Variants in CCSER1 observed in about 807,000 individuals in gnomAD.
CCSER1 encodes the protein serine-rich coiled-coil domain-containing protein 1.
In CCSER1, 41 loss-of-function variants were observed where a neutral mutation model predicts 82.0. The ratio of observed to expected loss-of-function variants is 0.50; its 90% CI spans 0.39 to 0.65. The LOEUF is 0.65. Among genes scored for constraint, CCSER1 ranks in the 30% least tolerant of loss-of-function variants. The probability of loss-of-function intolerance (pLI) is 0.00; values close to 1 mark genes in which losing one functional copy is unlikely to be tolerated. For missense variants in CCSER1, 1,119 were observed against 1,064.2 expected (o/e 1.05, Z -0.72); for synonymous variants, 414 against 383.9 (o/e 1.08, Z -0.92).
intron 7 of CCSER1, among the ~76,000 whole-genome samples, chr4:90,739,244 A>G (rs1182971667): frequency 3.9e-5 from 6 of 152,090 alleles, no homozygotes; most frequent in Non-Finnish European, 5.9e-5. Context: ...GGCCCATGGT[A>G]TATCTGGAGT....
At chr4:91,538,682 ATATAT>A (rs1372168630) in intron 10 of CCSER1, among the ~76,000 whole-genome samples, 1 of 113,596 alleles carries the variant, frequency 8.8e-6, no homozygotes, top group Non-Finnish European at 1.8e-5. Flanking sequence ...TATATATGAT[ATATAT>A]TATATATACA....
In CCSER1 at chr4:91,227,121, T is replaced by C. The variant is rs1738260555; in HGVS notation, c.2217+141127T>C. Among the ~76,000 whole-genome samples, 4 of 152,078 alleles carry C rather than the reference T, an allele frequency of 2.6e-5. No individual in the cohort carries two copies. In the South Asian group the frequency reaches 6.2e-4, roughly 24 times the overall value. ...ATTATTAGTTAGCTATGTCATTGCA[T>C]AAGAAACCTTGACTTATTAATGAAC... On this transcript the variant is annotated intron_variant, in intron 10 of 10. Coordinates refer to ENST00000509176, the MANE Select transcript of CCSER1 (RefSeq NM_001145065.2).
At chr4:91,197,569 A>G (rs1336423866) in intron 10 of CCSER1, among the ~76,000 whole-genome samples, 1 of 152,234 alleles carries the variant, frequency 6.6e-6, no homozygotes, top group Non-Finnish European at 1.5e-5. Flanking sequence ...TTTGTTAACT[A>G]CAACTGTACT....
chr4:90,833,406 C>T (rs908072555), intron 8 of CCSER1, among the ~76,000 whole-genome samples: 9 of 152,272 alleles, frequency 5.9e-5, no homozygotes, highest in African/African-American at 2.2e-4. Flanking sequence ...GACATTCAAA[C>T]CATAGCAGGG....
At chr4:90,366,316 T>C (rs147874532) in intron 3 of CCSER1, among the ~76,000 whole-genome samples, 194 of 150,948 alleles carry the variant, frequency 1.3e-3, no homozygotes, top group African/African-American at 3.9e-3. Context: ...ATCAATATCA[T>C]TGTGTGTGTA....
intron 5 of CCSER1, among the ~76,000 whole-genome samples, chr4:90,478,246 T>C (rs141797810): frequency 1.3e-5 from 2 of 152,338 alleles, no homozygotes; most frequent in African/African-American, 4.8e-5. Context: ...AAAATCAAAG[T>C]ACTTGTAGAC....
intron 8 of CCSER1, among the ~76,000 whole-genome samples, chr4:90,912,339 G>A (rs796448561): frequency 5.3e-4 from 81 of 152,234 alleles, no homozygotes; most frequent in African/African-American, 1.6e-3. Context: ...ACCAATATTC[G>A]CTATTCTGCA....
At chr4:90,740,660 G>A (rs1580243430) in intron 7 of CCSER1, among the ~76,000 whole-genome samples, 1 of 152,120 alleles carries the variant, frequency 6.6e-6, no homozygotes, top group Non-Finnish European at 1.5e-5. Context: ...TAAAAATAAT[G>A]GCATACCTCT....
intron 8 of CCSER1, among the ~76,000 whole-genome samples, chr4:90,827,947 T>C (rs769832040): frequency 1.3e-5 from 2 of 152,116 alleles, no homozygotes; most frequent in Non-Finnish European, 2.9e-5. Context: ...AGGCAATTTA[T>C]AGGAGAGTAA....
chr4:90,233,332 A>G lies in CCSER1; in HGVS notation c.-41-74912A>G, dbSNP rs1187411613. 3.3e-5 allele frequency among the ~76,000 whole-genome samples: 5 copies of G among 152,142 alleles called. No individual in the cohort carries two copies. In the East Asian group the frequency reaches 7.7e-4, roughly 23 times the overall value. On this transcript the variant is annotated intron_variant, in intron 1 of 10. Transcript: ENST00000509176. Reference sequence around the variant, plus strand: ...GTTCATGTCCTTTGTAGGGACACGGATGAAATTGGAAATCATCATTCTCAG... The same window carrying G: ...GTTCATGTCCTTTGTAGGGACACGGGTGAAATTGGAAATCATCATTCTCAG...
At chr4:91,204,208 G>A (rs1426768663) in intron 10 of CCSER1, among the ~76,000 whole-genome samples, 2 of 151,808 alleles carry the variant, frequency 1.3e-5, no homozygotes, top group Admixed American at 1.3e-4. Context: ...AAAAATAAGT[G>A]CAGTAAAGCA....
chr4:90,538,037 C>G (rs1237019560), intron 5 of CCSER1, among the ~76,000 whole-genome samples: 2 of 152,054 alleles, frequency 1.3e-5, no homozygotes, highest in East Asian at 3.9e-4. Flanking sequence ...GGGATGGGAC[C>G]TTTTAAATTG....
intron 1 of CCSER1, among the ~76,000 whole-genome samples, chr4:90,195,126 G>A (rs912789704): frequency 1.3e-5 from 2 of 152,062 alleles, no homozygotes; most frequent in Non-Finnish European, 2.9e-5. Context: ...CTGAAAGCTT[G>A]TATTCACACA....
chr4:91,407,224 C>T (rs988814994), intron 10 of CCSER1, among the ~76,000 whole-genome samples: 7 of 152,218 alleles, frequency 4.6e-5, no homozygotes, highest in African/African-American at 1.7e-4. Flanking sequence ...CTTTGAACAA[C>T]TCGAGATCCA....
chr4:90,821,360 A>C (rs1759697137), intron 8 of CCSER1, among the ~76,000 whole-genome samples: 1 of 152,238 alleles, frequency 6.6e-6, no homozygotes, highest in Non-Finnish European at 1.5e-5. Context: ...ATTATTACAC[A>C]TCATGGTGAT....
At chr4:90,349,075 C>G (rs1742941653) in intron 3 of CCSER1, among the ~76,000 whole-genome samples, 2 of 151,864 alleles carry the variant, frequency 1.3e-5, no homozygotes, top group South Asian at 4.2e-4. Context: ...AAAATGGAGG[C>G]CAAACTGTAA....
Position 91,464,789 on chromosome 4 carries a change from C to T in CCSER1, c.2218-133783C>T, listed in dbSNP as rs553776410. On this transcript the variant is annotated intron_variant, in intron 10 of 10. Transcript: ENST00000509176. Reference sequence around the variant, plus strand: ...TTACATAATGGTAAAGGGATCAATTCAACAAAAAGAGCTAACTATCCTAAA... The same window carrying T: ...TTACATAATGGTAAAGGGATCAATTTAACAAAAAGAGCTAACTATCCTAAA... 6.0e-4 allele frequency among the ~76,000 whole-genome samples: 92 copies of T among 152,242 alleles called. 2 individuals are homozygous for T. The Middle Eastern group carries it at 0.017, about 28-fold the overall frequency.
intron 7 of CCSER1, among the ~76,000 whole-genome samples, chr4:90,772,935 G>A (rs1254646976): frequency 1.3e-5 from 2 of 152,128 alleles, no homozygotes; most frequent in Non-Finnish European, 2.9e-5. Context: ...AGAGTAAAGA[G>A]CAATGTTTAA....
chr4:91,491,449 C>T (rs573719050), intron 10 of CCSER1, among the ~76,000 whole-genome samples: 18 of 152,016 alleles, frequency 1.2e-4, no homozygotes, highest in Admixed American at 1.1e-3. Flanking sequence ...CTCATTACCT[C>T]GGTATTATCA....
Sources: gnomAD v4.1 joint callset for allele counts (sites outside exome capture counted in the v4.1 genomes callset) on GRCh38, gnomAD v4.1.1 for gene constraint, MANE v1.5 for transcripts, NCBI Gene and HGNC (gene_info 2026-07-23, HGNC 2026-07-21) for gene names.